The following KIAA0930 variants were observed in gnomAD, a reference collection of about 807,000 sequenced individuals.
KIAA0930 encodes KIAA0930.
KIAA0930 carries 24 observed loss-of-function variants against 43.9 expected under a neutral mutation model. The observed-to-expected ratio is 0.55, with a 90% CI of 0.40 to 0.77. KIAA0930 has a LOEUF of 0.77. Ranked by LOEUF, KIAA0930 falls within the 30% of genes least tolerant of loss-of-function variation. The pLI is 0.00. For synonymous variants in KIAA0930, 259 were observed against 216.4 expected (o/e 1.20, Z -1.73); for missense variants, 461 against 574.2 (o/e 0.80, Z 2.02).
At chr22:45,211,853 G>T in intron 2 of KIAA0930, 103 bp downstream of exon 2, 1 of 1,130,668 alleles carries the variant, frequency 8.8e-7, no homozygotes, top group Non-Finnish European at 1.3e-6. Context: ...CACCCTCTTT[G>T]ATATGCATGA....
intron 1 of KIAA0930, among the ~76,000 whole-genome samples, chr22:45,225,927 A>C (rs1055173407): frequency 6.6e-6 from 1 of 152,224 alleles, no homozygotes; most frequent in Non-Finnish European, 1.5e-5. Context: ...TGTCAGGGCC[A>C]GGCCAAAGCC....
At chr22:45,224,564 T>A (rs1206597695) in intron 1 of KIAA0930, among the ~76,000 whole-genome samples, 4 of 152,214 alleles carry the variant, frequency 2.6e-5, no homozygotes, top group Admixed American at 2.6e-4. Context: ...ATCAGTTAGT[T>A]TGGTCTCATG....
At chr22:45,232,201 G>A (rs2083858264) in intron 1 of KIAA0930, among the ~76,000 whole-genome samples, 1 of 152,196 alleles carries the variant, frequency 6.6e-6, no homozygotes, top group African/African-American at 2.4e-5. Context: ...ACTGCTGTGA[G>A]GACACACGAG....
Position 45,195,011 on chromosome 22 carries a change from T to A in KIAA0930, c.*2165A>T, listed in dbSNP as rs2350624. ...GAAACCACCAGCCCACCGCGTGCCC[T>A]GTTCACATGCCTTACAAATTGAGGG... On this transcript the variant is annotated 3_prime_UTR_variant, in exon 10 of 10. Coordinates refer to ENST00000336156, the MANE Select transcript of KIAA0930 (RefSeq NM_001009880.2). 1 of 152,260 alleles carries A rather than the reference T, an allele frequency of 6.6e-6. No individual in the cohort carries two copies. 9.4% of individuals were successfully genotyped at this position (152,260 alleles called of 1,614,324 possible).
At chr22:45,205,399 G>T (rs2083627627) in intron 4 of KIAA0930, 81 bp from the exon 5 acceptor site, 1 of 1,250,532 alleles carries the variant, frequency 8.0e-7, no homozygotes, top group Non-Finnish European at 1.2e-6. Flanking sequence ...AGTATAGGGA[G>T]GCCACCCGGC....
At chr22:45,236,729 C>T (rs937870101) in intron 1 of KIAA0930, among the ~76,000 whole-genome samples, 5 of 152,206 alleles carry the variant, frequency 3.3e-5, no homozygotes, top group African/African-American at 1.2e-4. Flanking sequence ...CTTACTTCCC[C>T]CCAACCTGTG....
intron 1 of KIAA0930, chr22:45,226,433 G>T: frequency 2.4e-6 from 1 of 418,084 alleles, no homozygotes; most frequent in South Asian, 1.7e-5. Context: ...CTTGCATGGC[G>T]GGGGAGGCTC....
At chr22:45,218,969 T>C (rs1255162139) in intron 1 of KIAA0930, among the ~76,000 whole-genome samples, 1 of 152,176 alleles carries the variant, frequency 6.6e-6, no homozygotes, top group South Asian at 2.1e-4. Flanking sequence ...TGGGATCCAC[T>C]TTCCAGCCGA....
chr22:45,198,066 C>T, intron 8 of KIAA0930, 118 bp from the exon 9 acceptor site: 1 of 940,254 alleles, frequency 1.1e-6, no homozygotes. Context: ...ACGCTCCTTA[C>T]CAACACCCCC....
chr22:45,215,130 A>G (rs2083723500), intron 1 of KIAA0930, among the ~76,000 whole-genome samples: 1 of 151,950 alleles, frequency 6.6e-6, no homozygotes, highest in African/African-American at 2.4e-5. Flanking sequence ...AGGCACTAGA[A>G]TCACTTGAAC....
Position 45,199,942 on chromosome 22 carries a change from T to A in KIAA0930, c.946A>T (p.Ile316Phe). ...SLKRKVPRNR[I>F]AEMKKSHSAN... ...GAGTGCGACTTCTTCATCTCAGCGA[T>A]CCGGTTCCGGGGCACCTTCCTCTTG... Residue 316 changes from isoleucine (I) to phenylalanine (F), a missense_variant, in exon 8 of 10, where the codon ATC becomes TTC. By Grantham distance (21) the Ile-to-Phe change is conservative. Transcript: ENST00000336156. 1 of 1,609,848 alleles carries A rather than the reference T, an allele frequency of 6.2e-7. No individual in the cohort carries two copies. Among genetic ancestry groups the A allele is most frequent in the Non-Finnish European group, 8.5e-7 (1 of 1,177,470 alleles).
At chr22:45,236,146 C>T (rs865998243) in intron 1 of KIAA0930, 1 of 152,336 alleles carries the variant, frequency 6.6e-6, no homozygotes, top group Non-Finnish European at 1.5e-5. Context: ...CATCCCTCCC[C>T]ACGCTGAAGC....
intron 1 of KIAA0930, among the ~76,000 whole-genome samples, chr22:45,235,925 C>T (rs1259516102): frequency 6.6e-6 from 1 of 152,222 alleles, no homozygotes; most frequent in African/African-American, 2.4e-5. Context: ...CCTGGCCTAG[C>T]AAAGTGATGG....
intron 1 of KIAA0930, among the ~76,000 whole-genome samples, chr22:45,219,338 A>G (rs571162735): frequency 5.3e-5 from 8 of 152,182 alleles, no homozygotes; most frequent in Non-Finnish European, 8.8e-5. Context: ...ATAACTTGGA[A>G]CATTTTCCAC....
intron 1 of KIAA0930, among the ~76,000 whole-genome samples, chr22:45,220,525 T>C (rs2083761051): frequency 6.6e-6 from 1 of 152,196 alleles, no homozygotes. Context: ...AACACAGGAT[T>C]ATCTCCACAG....
intron 7 of KIAA0930, 25 bp from the exon 8 acceptor site, chr22:45,200,060 C>G: frequency 6.3e-7 from 1 of 1,575,638 alleles, no homozygotes; most frequent in Non-Finnish European, 8.6e-7. Flanking sequence ...CCAAAGTCAC[C>G]AGAGTAGCAG....
At chr22:45,202,917 G>A (rs1259036121) in intron 7 of KIAA0930, 73 bp downstream of exon 7, 15 of 1,321,848 alleles carry the variant, frequency 1.1e-5, no homozygotes, top group Non-Finnish European at 1.4e-5. Flanking sequence ...CCAGGGGGCC[G>A]TGAGCACGGG....
intron 1 of KIAA0930, among the ~76,000 whole-genome samples, chr22:45,228,677 C>T (rs1334934499): frequency 2.0e-5 from 3 of 151,850 alleles, no homozygotes; most frequent in African/African-American, 4.8e-5. Flanking sequence ...ACCTCTTCAC[C>T]GGAAAGATCC....
At position 45,196,302 on chromosome 22, in the gene KIAA0930, GAC is replaced by G. The variant is rs972293871; in HGVS notation, c.*872_*873del. 1 of 152,502 alleles carries G rather than the reference GAC, an allele frequency of 6.6e-6. No individual in the cohort carries two copies. Among genetic ancestry groups the G allele is most frequent in the Non-Finnish European group, 1.5e-5 (1 of 68,110 alleles). The allele number at this position is 152,502 out of a possible 1,614,324, so 9.4% of individuals were successfully genotyped here. A position where few individuals can be genotyped will look rare whatever the true frequency, so the allele number is the denominator to read the frequency against. ...TCTAGGAAACCAGGGAAGATGAAAA[GAC>G]ACCCCCGCCCCCAGAAGACGGGGTC... On this transcript the variant is annotated 3_prime_UTR_variant, in exon 10 of 10. Coordinates refer to ENST00000336156, the MANE Select transcript of KIAA0930 (RefSeq NM_001009880.2). This position sits in a 1 kb window ranked among gnomAD's most constrained non-coding sequence, Gnocchi z 4.1.
Sources: allele counts gnomAD v4.1 joint callset (sites outside exome capture counted in the v4.1 genomes callset), GRCh38; gene constraint gnomAD v4.1.1; non-coding constraint Gnocchi (gnomAD v3.1); transcripts MANE v1.5; gene names NCBI Gene and HGNC (gene_info 2026-07-23, HGNC 2026-07-21).